Variants in PLCXD3 observed in about 807,000 individuals in gnomAD.
PLCXD3 encodes the protein phosphatidylinositol specific phospholipase C X domain containing 3.
A neutral mutation model predicts 25.5 loss-of-function variants in PLCXD3; 19 were observed. That is an observed-to-expected ratio of 0.75 (90% CI 0.52 to 1.09). The LOEUF is 1.09. PLCXD3 is among the 50% of genes least tolerant of loss of function. The pLI, the probability that PLCXD3 is intolerant of heterozygous loss-of-function variation, is 0.00. For synonymous variants in PLCXD3, 174 were observed against 137.6 expected (o/e 1.26, Z -1.85); for missense variants, 411 against 388.1 (o/e 1.06, Z -0.50).
chr5:41,410,191 G>A (rs566189416), intron 1 of PLCXD3, among the ~76,000 whole-genome samples: 2 of 146,562 alleles, frequency 1.4e-5, no homozygotes, highest in East Asian at 2.0e-4. Flanking sequence ...CCAGGCTGGA[G>A]TACAGTGGCG....
chr5:41,353,762 A>C (rs938894150), intron 2 of PLCXD3, among the ~76,000 whole-genome samples: 1 of 152,088 alleles, frequency 6.6e-6, no homozygotes, highest in Non-Finnish European at 1.5e-5. Context: ...TTTTCTTCTG[A>C]GTTTGTTCTA....
At chr5:41,372,325 C>A (rs2150489257) in intron 2 of PLCXD3, among the ~76,000 whole-genome samples, 1 of 148,854 alleles carries the variant, frequency 6.7e-6, no homozygotes, top group East Asian at 2.0e-4. Flanking sequence ...CACACACACA[C>A]ACACACACAC....
intron 1 of PLCXD3, among the ~76,000 whole-genome samples, chr5:41,446,500 A>G (rs1467856359): frequency 2.0e-5 from 3 of 151,434 alleles, no homozygotes; most frequent in African/African-American, 4.8e-5. Flanking sequence ...AATGTAGCCT[A>G]TGTAAAAATC....
intron 1 of PLCXD3, among the ~76,000 whole-genome samples, chr5:41,402,237 C>CT (rs547406374): frequency 8.9e-4 from 135 of 151,726 alleles, no homozygotes; most frequent in African/African-American, 3.2e-3. Flanking sequence ...AGCTTTTTCT[C>CT]TAAGTACTGC....
chr5:41,372,617 T>G (rs1174940425), intron 2 of PLCXD3, among the ~76,000 whole-genome samples: 1 of 152,090 alleles, frequency 6.6e-6, no homozygotes, highest in Non-Finnish European at 1.5e-5. Context: ...CTCCCTCCTC[T>G]GTCATACAGT....
intron 1 of PLCXD3, among the ~76,000 whole-genome samples, chr5:41,488,488 C>T (rs1178231436): frequency 8.2e-6 from 1 of 122,670 alleles, no homozygotes; most frequent in Non-Finnish European, 1.7e-5. Context: ...GCTCTAGATC[C>T]CTGAGGAATC....
At chr5:41,408,267 C>A (rs963527991) in intron 1 of PLCXD3, among the ~76,000 whole-genome samples, 2 of 152,198 alleles carry the variant, frequency 1.3e-5, no homozygotes, top group Non-Finnish European at 2.9e-5. Context: ...AAGGCCCACA[C>A]TTTGAATGTG....
At chr5:41,468,556 A>G (rs1370176422) in intron 1 of PLCXD3, among the ~76,000 whole-genome samples, 3 of 152,054 alleles carry the variant, frequency 2.0e-5, no homozygotes, top group East Asian at 1.9e-4. Flanking sequence ...ACTTTCATCA[A>G]TGTTTTATAG....
At chr5:41,428,856 A>G (rs1036866983) in intron 1 of PLCXD3, among the ~76,000 whole-genome samples, 1 of 152,196 alleles carries the variant, frequency 6.6e-6, no homozygotes, top group Admixed American at 6.5e-5. Flanking sequence ...GTGGTTTAAC[A>G]AAATAGTTTC....
At chr5:41,330,573 GA>G (rs1038477155) in intron 2 of PLCXD3, among the ~76,000 whole-genome samples, 1 of 152,108 alleles carries the variant, frequency 6.6e-6, no homozygotes, top group African/African-American at 2.4e-5. Context: ...AGAAAAAAAG[GA>G]ATCCTCCCTA....
At chr5:41,442,776 C>T (rs893022356) in intron 1 of PLCXD3, among the ~76,000 whole-genome samples, 10 of 152,108 alleles carry the variant, frequency 6.6e-5, no homozygotes, top group Non-Finnish European at 2.9e-5. Context: ...AATCCCTTCC[C>T]TCACCCAAAC....
At chr5:41,472,296 A>G (rs1028821878) in intron 1 of PLCXD3, among the ~76,000 whole-genome samples, 1 of 152,136 alleles carries the variant, frequency 6.6e-6, no homozygotes, top group African/African-American at 2.4e-5. Context: ...TCAAGTAACA[A>G]TGGCTACATC....
chr5:41,400,610 C>G (rs1182629822), intron 1 of PLCXD3, among the ~76,000 whole-genome samples: 1 of 151,954 alleles, frequency 6.6e-6, no homozygotes, highest in Non-Finnish European at 1.5e-5. Context: ...ACTGCATGTT[C>G]TTACTTGTAT....
chr5:41,400,834 C>A (rs1746160116), intron 1 of PLCXD3, among the ~76,000 whole-genome samples: 1 of 152,038 alleles, frequency 6.6e-6, no homozygotes, highest in Middle Eastern at 3.4e-3. Flanking sequence ...TTTAAAATAA[C>A]TTAAAGAATA....
At chr5:41,342,065 G>A (rs1409945854) in intron 2 of PLCXD3, among the ~76,000 whole-genome samples, 1 of 152,172 alleles carries the variant, frequency 6.6e-6, no homozygotes, top group East Asian at 1.9e-4. Flanking sequence ...ATAAATATGG[G>A]TAACTGGGAA....
chr5:41,395,139 T>C (rs187254448), intron 1 of PLCXD3, among the ~76,000 whole-genome samples: 345 of 152,236 alleles, frequency 2.3e-3, no homozygotes, highest in African/African-American at 7.9e-3. Flanking sequence ...TCTGACCACA[T>C]TGGAATAAAA....
At chr5:41,384,140 T>C (rs1745567375) in intron 1 of PLCXD3, among the ~76,000 whole-genome samples, 1 of 152,134 alleles carries the variant, frequency 6.6e-6, no homozygotes, top group Admixed American at 6.6e-5. Context: ...AAATGCCATG[T>C]TTAATTTAAT....
chr5:41,465,353 CTTTTTTTTTTTTTTTTTTT>C (rs58098437), intron 1 of PLCXD3, among the ~76,000 whole-genome samples: 242 of 13,252 alleles, frequency 0.018, 11 homozygotes, highest in African/African-American at 0.022. Flanking sequence ...TAGTTCTTGT[CTTTTTTTTTTTTTTTTTTT>C]TTTTTTTTTT....
chr5:41,465,372 T>A (rs1161476954), intron 1 of PLCXD3, among the ~76,000 whole-genome samples: 1 of 140,464 alleles, frequency 7.1e-6, no homozygotes, highest in African/African-American at 2.6e-5. Context: ...TTTTTTTTTT[T>A]TTTTTTTTTT....
Sources: allele counts gnomAD v4.1 joint callset (sites outside exome capture counted in the v4.1 genomes callset), GRCh38; gene constraint gnomAD v4.1.1; transcripts MANE v1.5; gene names NCBI Gene and HGNC (gene_info 2026-07-23, HGNC 2026-07-21).